The following LRMDA variants were observed in gnomAD, a reference collection of about 807,000 sequenced individuals.
LRMDA encodes the protein leucine-rich melanocyte differentiation-associated protein.
A neutral mutation model predicts 29.8 loss-of-function variants in LRMDA; 18 were observed. That is an observed-to-expected ratio of 0.60 (90% confidence interval 0.42 to 0.90). LRMDA has a LOEUF of 0.90. Among genes scored for constraint, LRMDA ranks in the 40% least tolerant of loss-of-function variants. The pLI, the probability that LRMDA is intolerant of heterozygous loss-of-function variation, is 0.00. For missense variants in LRMDA, 273 were observed against 273.9 expected (o/e 1.00, Z 0.02); for synonymous variants, 125 against 109.4 (o/e 1.14, Z -0.89).
intron 6 of LRMDA, among the ~76,000 whole-genome samples, chr10:76,507,406 ATTTG>A (rs1842970039): frequency 6.6e-6 from 1 of 151,424 alleles, no homozygotes; most frequent in East Asian, 2.0e-4. Context: ...TTATGCATTC[ATTTG>A]TTTATTGTTT....
chr10:76,477,348 T>C (rs1177283164), intron 6 of LRMDA, among the ~76,000 whole-genome samples: 3 of 152,040 alleles, frequency 2.0e-5, no homozygotes, highest in Non-Finnish European at 4.4e-5. Context: ...TTACAAGGGA[T>C]GTGAAGGACC....
intron 2 of LRMDA, among the ~76,000 whole-genome samples, chr10:75,589,367 C>G (rs996280679): frequency 6.6e-6 from 1 of 152,138 alleles, no homozygotes. Flanking sequence ...ATTAAGTATT[C>G]TATTATATAT....
chr10:75,671,879 G>T (rs548998407), intron 2 of LRMDA, among the ~76,000 whole-genome samples: 1 of 152,078 alleles, frequency 6.6e-6, no homozygotes, highest in Non-Finnish European at 1.5e-5. Context: ...CACATGTATT[G>T]CTTGTGCAAT....
At chr10:75,745,939 A>G (rs1184594555) in intron 2 of LRMDA, among the ~76,000 whole-genome samples, 1 of 152,202 alleles carries the variant, frequency 6.6e-6, no homozygotes, top group Admixed American at 6.5e-5. Context: ...ATTTTGGGAA[A>G]AGTACCACAC....
At chr10:75,563,224 C>A (rs895398441) in intron 2 of LRMDA, among the ~76,000 whole-genome samples, 1 of 152,018 alleles carries the variant, frequency 6.6e-6, no homozygotes, top group Non-Finnish European at 1.5e-5. Flanking sequence ...AGGCTTTATT[C>A]GTTTCTTTTT....
At chr10:75,610,914 C>CACCAGAACAAG (rs1841022044) in intron 2 of LRMDA, among the ~76,000 whole-genome samples, 1 of 152,036 alleles carries the variant, frequency 6.6e-6, no homozygotes, top group Non-Finnish European at 1.5e-5. Context: ...TTTCTTTTTC[C>CACCAGAACAAG]TGAGTTGGCC....
intron 2 of LRMDA, among the ~76,000 whole-genome samples, chr10:75,981,850 CAAAA>C (rs10570078): frequency 2.6e-5 from 3 of 116,452 alleles, no homozygotes; most frequent in Admixed American, 8.6e-5. Flanking sequence ...GACTCCATCT[CAAAA>C]AAAAAAAAAA....
intron 5 of LRMDA, among the ~76,000 whole-genome samples, chr10:76,118,775 T>C (rs1465982806): frequency 2.0e-5 from 3 of 151,724 alleles, no homozygotes; most frequent in South Asian, 2.1e-4. Flanking sequence ...ACTCTGAAAA[T>C]GGATTTCTTT....
At chr10:75,794,329 C>T (rs1843617030) in intron 2 of LRMDA, among the ~76,000 whole-genome samples, 1 of 152,082 alleles carries the variant, frequency 6.6e-6, no homozygotes, top group South Asian at 2.1e-4. Context: ...ATATAGAATT[C>T]ATTTTCTTGT....
intron 5 of LRMDA, among the ~76,000 whole-genome samples, chr10:76,098,221 AT>A (rs1224185584): frequency 2.0e-5 from 3 of 152,192 alleles, no homozygotes; most frequent in African/African-American, 7.2e-5. Flanking sequence ...TTTGTGTAGA[AT>A]TTGTATTATT....
At chr10:76,131,216 G>T (rs1013416074) in intron 5 of LRMDA, among the ~76,000 whole-genome samples, 1 of 152,042 alleles carries the variant, frequency 6.6e-6, no homozygotes, top group Non-Finnish European at 1.5e-5. Context: ...GCCTTCTTCT[G>T]TCTCTGCCTT....
At position 75,772,829 on chromosome 10, in the gene LRMDA, C is replaced by T. The variant is rs1311109773; in HGVS notation, c.132-263179C>T. On this transcript the variant is annotated intron_variant, in intron 2 of 6. Transcript: ENST00000611255. ...CACATTTCATAGCCAGAGTGCCCTG[C>T]CCCTCAGGGCACTATTCTTATTTTT... 4.9e-5 allele frequency among the ~76,000 whole-genome samples: 6 copies of T among 123,046 alleles called. No individual in the cohort carries two copies. In the Admixed American group the frequency reaches 5.7e-4, roughly 12 times the overall value. The allele number at this position is 123,046 out of a possible 152,430, so 80.7% of individuals were successfully genotyped here.
At chr10:75,630,409 C>T (rs1027009034) in intron 2 of LRMDA, among the ~76,000 whole-genome samples, 1 of 152,174 alleles carries the variant, frequency 6.6e-6, no homozygotes, top group African/African-American at 2.4e-5. Context: ...GCCTCTCCAT[C>T]GTTGAGTTTC....
intron 5 of LRMDA, among the ~76,000 whole-genome samples, chr10:76,068,688 G>C (rs1223727829): frequency 6.6e-6 from 1 of 152,160 alleles, no homozygotes; most frequent in Non-Finnish European, 1.5e-5. Context: ...CCCCGGGATT[G>C]GTGTTGGAGA....
At position 76,502,750 on chromosome 10, in the gene LRMDA, C is replaced by CTT. The variant is rs374835259; in HGVS notation, c.602-54450_602-54449dup. On this transcript the variant is annotated intron_variant, in intron 6 of 6. Coordinates refer to ENST00000611255, the MANE Select transcript of LRMDA (RefSeq NM_001305581.2). Reference sequence around the variant, plus strand: ...CTACAATTTTTCCTTTTTTTTCTTTCTTTTTTTTTTGCTAAAGTGGTTTAT... The same window carrying CTT: ...CTACAATTTTTCCTTTTTTTTCTTTCTTTTTTTTTTTTGCTAAAGTGGTTTAT... 8.9e-4 allele frequency among the ~76,000 whole-genome samples: 129 copies of CTT among 145,514 alleles called. 2 individuals are homozygous for CTT. Among genetic ancestry groups the CTT allele is most frequent in the Middle Eastern group, 3.5e-3 (1 of 284 alleles).
chr10:75,522,897 C>T (rs1313960860), intron 2 of LRMDA, among the ~76,000 whole-genome samples: 1 of 152,170 alleles, frequency 6.6e-6, no homozygotes, highest in African/African-American at 2.4e-5. Flanking sequence ...AAAGGTCTCC[C>T]CTTAGTGGTC....
intron 2 of LRMDA, among the ~76,000 whole-genome samples, chr10:75,979,754 A>C (rs767490948): frequency 7.2e-5 from 11 of 151,912 alleles, no homozygotes; most frequent in Non-Finnish European, 1.5e-4. Flanking sequence ...CCCAATTACC[A>C]GCTAGTCCAT....
intron 6 of LRMDA, among the ~76,000 whole-genome samples, chr10:76,410,721 AG>A (rs1589170879): frequency 1.3e-5 from 2 of 152,102 alleles, no homozygotes; most frequent in Non-Finnish European, 2.9e-5. Context: ...TGGGAGGCCA[AG>A]GGGGGTGGAT....
intron 2 of LRMDA, among the ~76,000 whole-genome samples, chr10:76,008,784 T>C (rs564599048): frequency 1.3e-5 from 2 of 152,368 alleles, no homozygotes; most frequent in African/African-American, 4.8e-5. Flanking sequence ...GCACTGCCCA[T>C]GTGAGCCTGT....
Sources: allele counts gnomAD v4.1 joint callset (sites outside exome capture counted in the v4.1 genomes callset), GRCh38; gene constraint gnomAD v4.1.1; transcripts MANE v1.5; gene names NCBI Gene and HGNC (gene_info 2026-07-23, HGNC 2026-07-21).